The following CD163L1 variants were observed in gnomAD, a reference collection of about 807,000 sequenced individuals.
CD163L1 encodes scavenger receptor cysteine-rich type 1 protein M160.
Under a neutral mutation model 165.4 loss-of-function variants are expected in CD163L1, and 124 were observed. That is an observed-to-expected ratio of 0.75 (90% CI 0.65 to 0.87). The LOEUF (loss-of-function observed/expected upper bound fraction) is 0.87, where lower values mean the gene tolerates loss of function less well. Among genes scored for constraint, CD163L1 ranks in the 40% least tolerant of loss-of-function variants. CD163L1 has a pLI of 0.00. For synonymous variants in CD163L1, 585 were observed against 662.2 expected (o/e 0.88, Z 1.79); for missense variants, 1,525 against 1,799.9 (o/e 0.85, Z 2.76).
chr12:7,324,172 C>A, the CD163L1 span: 1 of 1,393,054 alleles, frequency 7.2e-7, no homozygotes, highest in Non-Finnish European at 9.6e-7. Flanking sequence ...AAAAAAATTT[C>A]CTATATAAGT....
intron 1 of CD163L1, 77 bp from the exon 2 acceptor site, chr12:7,441,323 CAAAAT>C: frequency 9.7e-7 from 1 of 1,026,106 alleles, no homozygotes. Context: ...GACTTAAATC[CAAAAT>C]AAAATAGAAG....
the CD163L1 span, chr12:7,326,974 A>C: frequency 5.6e-6 from 9 of 1,595,114 alleles, no homozygotes; most frequent in Non-Finnish European, 7.7e-6. Context: ...TTTCTGTTGC[A>C]GGTGGTGAAA....
Position 7,375,577 on chromosome 12 carries a change from A to T in CD163L1, c.2705T>A (p.Leu902His). The stretch of plus-strand genomic sequence containing the variant: ...GTCACACTGGGATTTGCCATTCACA[A>T]GTCGGACATCTGTATATCCTAGGAG... The part of the protein sequence containing the change: ...VVCSRYTDVR[L>H]VNGKSQCDGQ... Residue 902 changes from leucine (L) to histidine (H), a missense_variant, in exon 11 of 20, where the codon CTT becomes CAT. Leu to His is a moderately conservative substitution (Grantham distance 99). Transcript: ENST00000313599. The T allele has an allele frequency of 6.2e-7, 1 of 1,612,992 alleles. No homozygotes were observed. The highest frequency in any genetic ancestry group is 8.5e-7 in the Non-Finnish European group (1 of 1,180,004).
chr12:7,326,960 A>G, the CD163L1 span: 17 of 1,584,620 alleles, frequency 1.1e-5, no homozygotes, highest in African/African-American at 1.9e-4. Flanking sequence ...AAGATAAATT[A>G]ACTTTTCTGT....
Position 7,403,800 on chromosome 12 carries a change from T to C in CD163L1, c.1143A>G (p.Arg381=). The part of the protein sequence containing the change: ...LADGSNNCSG[R]VEVRIHEQWW... ...ACTGTTCATGAATTCTCACCTCTAC[T>C]CTCCCTGAACAATTGTTACTTCCAT... is the stretch of plus-strand genomic sequence containing the variant. Residue 381 remains arginine (R), a synonymous_variant, in exon 6 of 20, where the codon AGA becomes AGG. Transcript: ENST00000313599. The C allele has an allele frequency of 1.9e-6, 3 of 1,613,496 alleles. No homozygotes were observed. Among genetic ancestry groups the C allele is most frequent in the Non-Finnish European group, 1.7e-6 (2 of 1,179,888 alleles).
the CD163L1 span, chr12:7,320,861 C>T: frequency 1.4e-6 from 2 of 1,419,642 alleles, no homozygotes; most frequent in Non-Finnish European, 2.0e-6. Context: ...TCCAGGATCA[C>T]AGATCTCTCT....
At chr12:7,345,083 C>G (rs1946660124), downstream of CD163L1, among the ~76,000 whole-genome samples, 1 of 151,420 alleles carries the variant, frequency 6.6e-6, no homozygotes, top group African/African-American at 2.4e-5. Context: ...GCAAGTATCT[C>G]TAGAAAGTGG....
intron 4 of CD163L1, among the ~76,000 whole-genome samples, chr12:7,410,648 G>A (rs60514065): frequency 0.092 from 13,042 of 142,212 alleles, 937 homozygotes; most frequent in African/African-American, 0.2. Context: ...TGGCTAATAC[G>A]GTGAAACCCC....
intron 7 of CD163L1, among the ~76,000 whole-genome samples, chr12:7,397,548 A>G (rs1947805598): frequency 6.6e-6 from 1 of 152,180 alleles, no homozygotes; most frequent in South Asian, 2.1e-4. Flanking sequence ...CCTAAATTCT[A>G]CTGTTTCTCC....
chr12:7,393,357 A>T (rs1022497393), intron 8 of CD163L1, among the ~76,000 whole-genome samples: 8 of 152,120 alleles, frequency 5.3e-5, no homozygotes, highest in Non-Finnish European at 1.0e-4. Flanking sequence ...AAAAGGCCTT[A>T]GACAAAATTT....
chr12:7,322,394 AC>A, the CD163L1 span: 3 of 1,612,914 alleles, frequency 1.9e-6, no homozygotes, highest in Non-Finnish European at 2.5e-6. Context: ...TCTTGAAAAG[AC>A]CCATGCAACT....
At chr12:7,423,506 GA>G (rs1009772102) in intron 4 of CD163L1, among the ~76,000 whole-genome samples, 1 of 151,500 alleles carries the variant, frequency 6.6e-6, no homozygotes, top group African/African-American at 2.4e-5. Context: ...GACAGAGACA[GA>G]AAAAAACCTT....
the CD163L1 span, among the ~76,000 whole-genome samples, chr12:7,341,526 T>C: frequency 6.6e-6 from 1 of 152,190 alleles, no homozygotes; most frequent in African/African-American, 2.4e-5. Context: ...ACATGATAGC[T>C]CTAAGTGTTT....
the CD163L1 span, chr12:7,323,477 A>C: frequency 9.8e-5 from 158 of 1,613,800 alleles, no homozygotes; most frequent in Non-Finnish European, 1.3e-4. Flanking sequence ...TGAAAATGGC[A>C]ATGTTCTACC....
In CD163L1 at chr12:7,369,233, T is replaced by C. The variant is rs150176831; in HGVS notation, c.4039+124A>G. On this transcript the variant is annotated intron_variant, in intron 15 of 19. Coordinates refer to ENST00000313599, the MANE Select transcript of CD163L1 (RefSeq NM_174941.6). The surrounding 1 kb of genome is among the most constrained non-coding windows in gnomAD (Gnocchi z 4.9). Reference sequence around the variant, plus strand: ...GTTGTGGAAAAACGTTAGTTTAACATAGCCTTTCATTCTTCAACAAGAAAT... The same window carrying C: ...GTTGTGGAAAAACGTTAGTTTAACACAGCCTTTCATTCTTCAACAAGAAAT... 2.7e-6 allele frequency: 3 copies of C among 1,111,070 alleles called. No homozygotes were observed. Among genetic ancestry groups the C allele is most frequent in the Non-Finnish European group, 3.9e-6 (3 of 770,394 alleles). 68.8% of individuals were successfully genotyped at this position (1,111,070 alleles called of 1,614,324 possible). A position where few individuals can be genotyped will look rare whatever the true frequency, so the allele number is the denominator to read the frequency against.
At chr12:7,362,259 T>C (rs1565771110) in intron 18 of CD163L1, among the ~76,000 whole-genome samples, 1 of 142,526 alleles carries the variant, frequency 7.0e-6, no homozygotes. Flanking sequence ...AGATTATGTA[T>C]TTAATATATT....
intron 4 of CD163L1, among the ~76,000 whole-genome samples, chr12:7,421,174 T>G (rs2136584180): frequency 7.3e-6 from 1 of 136,508 alleles, no homozygotes; most frequent in African/African-American, 2.7e-5. Flanking sequence ...TATGTATATA[T>G]GTATATATAT....
Position 7,378,984 on chromosome 12 carries a change from A to T in CD163L1, c.2365T>A (p.Cys789Ser). 1 of 1,601,602 alleles carries T rather than the reference A, an allele frequency of 6.2e-7. No homozygotes were observed. Reference protein sequence around the residue: ...CHLNMEASLICSAHRQPRLVG... With the variant: ...CHLNMEASLISSAHRQPRLVG... The stretch of plus-strand genomic sequence containing the variant: ...ATCTTTGTCCAGAAATTACCTGAGC[A>T]GATCAAACTTGCTTCCATATTTAAA... Residue 789 changes from cysteine (C) to serine (S), a missense_variant, in exon 9 of 20, where the codon TGC (cysteine) becomes AGC (serine). By Grantham distance (112) the Cys-to-Ser change is moderately radical. Transcript: ENST00000313599.
At chr12:7,382,079 T>C (rs186012257) in intron 8 of CD163L1, among the ~76,000 whole-genome samples, 2,991 of 148,598 alleles carry the variant, frequency 0.02, 50 homozygotes, top group Middle Eastern at 0.032. Context: ...AATATATATA[T>C]ACACACATAG....
Sources: allele counts gnomAD v4.1 joint callset (sites outside exome capture counted in the v4.1 genomes callset), GRCh38; gene constraint gnomAD v4.1.1; non-coding constraint Gnocchi (gnomAD v3.1); transcripts MANE v1.5; gene names NCBI Gene and HGNC (gene_info 2026-07-23, HGNC 2026-07-21).